The following C19orf38 variants were observed in gnomAD, a reference collection of about 807,000 sequenced individuals.
The protein encoded by C19orf38 is protein HIDE1.
A neutral mutation model predicts 26.6 loss-of-function variants in C19orf38; 14 were observed. That is an observed-to-expected ratio of 0.53 (90% CI 0.35 to 0.82). The LOEUF is 0.82. Among genes scored for constraint, C19orf38 ranks in the 40% least tolerant of loss-of-function variants. C19orf38 has a pLI of 0.01. For synonymous variants in C19orf38, 132 were observed against 128.5 expected (o/e 1.03, Z -0.18); for missense variants, 261 against 299.5 (o/e 0.87, Z 0.95).
At chr19:10,846,389 AAG>A (rs762192224), upstream of C19orf38, among the ~76,000 whole-genome samples, 41 of 152,016 alleles carry the variant, frequency 2.7e-4, no homozygotes, top group African/African-American at 4.8e-4. Context: ...TTTTAATAAA[AAG>A]AGTTTATATA....
intron 6 of C19orf38, among the ~76,000 whole-genome samples, chr19:10,864,190 G>T (rs965239963): frequency 2.0e-5 from 3 of 151,992 alleles, no homozygotes; most frequent in African/African-American, 7.3e-5. Context: ...CTCCCGGGCA[G>T]CTGGGATTAC....
chr19:10,837,788 T>C (rs2073447505), intron 1 of C19orf38, among the ~76,000 whole-genome samples: 1 of 151,980 alleles, frequency 6.6e-6, no homozygotes, highest in Admixed American at 6.6e-5. Flanking sequence ...ATTGTAGGCG[T>C]GAGCCACTGC....
chr19:10,839,027 G>A (rs1037153140), intron 1 of C19orf38, among the ~76,000 whole-genome samples: 5 of 151,500 alleles, frequency 3.3e-5, no homozygotes, highest in Admixed American at 6.6e-5. Context: ...GGATTCTCCC[G>A]CCTCAGTAGC....
upstream of C19orf38, among the ~76,000 whole-genome samples, chr19:10,844,934 G>T (rs563432897): frequency 2.8e-4 from 41 of 148,914 alleles, no homozygotes; most frequent in Non-Finnish European, 4.9e-4. Context: ...AAGGTGGGAG[G>T]ATTACTTGAG....
chr19:10,845,014 G>A (rs892317944), upstream of C19orf38, among the ~76,000 whole-genome samples: 5 of 120,740 alleles, frequency 4.1e-5, no homozygotes, highest in Non-Finnish European at 9.4e-5. Context: ...AAAAAATTTA[G>A]CCAGGTGCCG....
At chr19:10,858,226 TAAAAA>T (rs371026775) in intron 3 of C19orf38, 85 bp from the exon 4 acceptor site, 154 of 321,318 alleles carry the variant, frequency 4.8e-4, no homozygotes, top group Admixed American at 8.3e-4. Context: ...AGACTCTGTC[TAAAAA>T]AAAAAAAAAA....
At chr19:10,848,590 C>T (rs1031297343) in intron 1 of C19orf38, 51 bp downstream of exon 1, 36 of 1,336,224 alleles carry the variant, frequency 2.7e-5, no homozygotes, top group Non-Finnish European at 2.3e-5. Flanking sequence ...CCCCCATCCT[C>T]TGTCCACCTT....
intron 6 of C19orf38, among the ~76,000 whole-genome samples, chr19:10,864,034 G>A (rs1018606556): frequency 1.3e-5 from 2 of 152,074 alleles, no homozygotes; most frequent in Non-Finnish European, 2.9e-5. Flanking sequence ...GTGACAATGG[G>A]GAACAATATC....
chr19:10,847,238 G>A (rs183324089), upstream of C19orf38, among the ~76,000 whole-genome samples: 1 of 152,198 alleles, frequency 6.6e-6, no homozygotes, highest in East Asian at 1.9e-4. Flanking sequence ...TCTGGAACTG[G>A]TATTCCCTTT....
chr19:10,862,064 A>C (rs2073703842), intron 5 of C19orf38, among the ~76,000 whole-genome samples: 1 of 150,896 alleles, frequency 6.6e-6, no homozygotes. Flanking sequence ...ACACCCGGCT[A>C]ATTTTTTGTA....
chr19:10,862,371 C>T (rs544050045), intron 5 of C19orf38, among the ~76,000 whole-genome samples: 5 of 152,014 alleles, frequency 3.3e-5, no homozygotes, highest in Non-Finnish European at 7.4e-5. Context: ...CACTCAGCTA[C>T]TTTTTAAATT....
chr19:10,869,387 CCTCT>C lies in C19orf38; in HGVS notation c.*21_*24del. The stretch of plus-strand genomic sequence containing the variant: ...CAGTGAGGCTGAGGACTGGGGGACC[CCTCT>C]GTCTCCAGGCATTCGGGGGCCTGAG... On this transcript the variant is annotated 3_prime_UTR_variant, in exon 7 of 7. Transcript: ENST00000397820. 6.5e-7 allele frequency: 1 copy of C among 1,535,228 alleles called. No individual in the cohort carries two copies. The highest frequency in any genetic ancestry group is 1.7e-4 in the Middle Eastern group (1 of 5,912).
chr19:10,860,087 C>T (rs188458468), intron 5 of C19orf38, 129 bp downstream of exon 5: 39 of 912,468 alleles, frequency 4.3e-5, no homozygotes, highest in African/African-American at 3.5e-4. Context: ...AACACACCCT[C>T]GCCACCTCTT....
upstream of C19orf38, among the ~76,000 whole-genome samples, chr19:10,845,155 G>C (rs1368507905): frequency 1.4e-5 from 2 of 147,834 alleles, no homozygotes; most frequent in Non-Finnish European, 3.0e-5. Flanking sequence ...GCAAGACCTT[G>C]TCTCCAAAAA....
chr19:10,859,382 ATATTTTTT>A (rs2073673011), intron 4 of C19orf38, among the ~76,000 whole-genome samples: 2 of 26,166 alleles, frequency 7.6e-5, no homozygotes, highest in Non-Finnish European at 1.3e-4. Flanking sequence ...ATATATATAT[ATATTTTTT>A]TTTTTTTTTT....
At chr19:10,867,332 C>CGGTA (rs978369518) in intron 6 of C19orf38, among the ~76,000 whole-genome samples, 1 of 151,292 alleles carries the variant, frequency 6.6e-6, no homozygotes, top group African/African-American at 2.4e-5. Flanking sequence ...ATGGCAGGCA[C>CGGTA]GGTAGCACAT....
intron 2 of C19orf38, among the ~76,000 whole-genome samples, chr19:10,855,839 T>C (rs1838798173): frequency 6.6e-6 from 1 of 152,188 alleles, no homozygotes; most frequent in African/African-American, 2.4e-5. Flanking sequence ...ATTATTTATA[T>C]TTTTAATATA....
intron 2 of C19orf38, among the ~76,000 whole-genome samples, chr19:10,854,200 C>T (rs2073602157): frequency 6.6e-6 from 1 of 151,714 alleles, no homozygotes; most frequent in Non-Finnish European, 1.5e-5. Flanking sequence ...GTAGCTGGGA[C>T]TACAGGCGCC....
chr19:10,859,382 ATATTTT>A (rs1261019247), intron 4 of C19orf38, among the ~76,000 whole-genome samples: 69 of 26,134 alleles, frequency 2.6e-3, no homozygotes, highest in East Asian at 6.8e-3. Flanking sequence ...ATATATATAT[ATATTTT>A]TTTTTTTTTT....
Sources: allele counts gnomAD v4.1 joint callset (sites outside exome capture counted in the v4.1 genomes callset), GRCh38; gene constraint gnomAD v4.1.1; transcripts MANE v1.5; gene names NCBI Gene and HGNC (gene_info 2026-07-23, HGNC 2026-07-21).